Variants in PPARGC1B observed in about 807,000 individuals in gnomAD.
The protein encoded by PPARGC1B is PPARG coactivator 1 beta.
In PPARGC1B, 34 loss-of-function variants were observed where a neutral mutation model predicts 101.6. The ratio of observed to expected loss-of-function variants is 0.33; its 90% CI spans 0.25 to 0.45. The LOEUF (loss-of-function observed/expected upper bound fraction) is 0.45, where lower values mean the gene tolerates loss of function less well. Ranked by LOEUF, PPARGC1B falls within the 20% of genes least tolerant of loss-of-function variation. The probability of loss-of-function intolerance (pLI) is 1.00; values close to 1 mark genes in which losing one functional copy is unlikely to be tolerated. For synonymous variants in PPARGC1B, 548 were observed against 539.3 expected (o/e 1.02, Z -0.22); for missense variants, 1,234 against 1,317.6 (o/e 0.94, Z 0.98).
intron 1 of PPARGC1B, among the ~76,000 whole-genome samples, chr5:149,784,127 CTTCT>C (rs1756697139): frequency 6.6e-6 from 1 of 151,992 alleles, no homozygotes; most frequent in Non-Finnish European, 1.5e-5. Context: ...CCCTATTTCC[CTTCT>C]TTCTTCTACT....
chr5:149,839,310 C>T (rs747444721), intron 8 of PPARGC1B, among the ~76,000 whole-genome samples: 58 of 152,262 alleles, frequency 3.8e-4, no homozygotes, highest in Non-Finnish European at 5.6e-4. Flanking sequence ...AACAGGGAGG[C>T]GGTGGGGCCA....
chr5:149,824,432 G>C (rs937729568), intron 2 of PPARGC1B, among the ~76,000 whole-genome samples: 2 of 152,136 alleles, frequency 1.3e-5, no homozygotes, highest in African/African-American at 4.8e-5. Flanking sequence ...TTGAGCTTAG[G>C]GACCTAAGCA....
At chr5:149,818,696 C>T (rs1758151951) in intron 1 of PPARGC1B, 2 of 370,016 alleles carry the variant, frequency 5.4e-6, no homozygotes, top group Admixed American at 3.1e-5. Context: ...TCTTTTTGTT[C>T]TCTGAGAAGT....
intron 3 of PPARGC1B, among the ~76,000 whole-genome samples, chr5:149,827,708 A>G (rs1374445556): frequency 2.6e-5 from 4 of 152,242 alleles, no homozygotes; most frequent in African/African-American, 9.6e-5. Flanking sequence ...CAGAAGTTAA[A>G]TGCGGTGTGA....
At chr5:149,836,143 C>A in intron 7 of PPARGC1B, 120 bp from the exon 8 acceptor site, 1 of 828,748 alleles carries the variant, frequency 1.2e-6, no homozygotes, top group Non-Finnish European at 1.9e-6. Flanking sequence ...CCCACCTCAC[C>A]CTCCCAAAAT....
intron 1 of PPARGC1B, 136 bp from the exon 2 acceptor site, chr5:149,820,297 T>A (rs557941780): frequency 1.8e-4 from 138 of 785,650 alleles, no homozygotes; most frequent in Non-Finnish European, 2.7e-4. Context: ...GAAGCTGATC[T>A]TTCCATTTCT....
intron 1 of PPARGC1B, among the ~76,000 whole-genome samples, chr5:149,735,981 G>A (rs1174156027): frequency 2.0e-5 from 3 of 152,108 alleles, no homozygotes; most frequent in Non-Finnish European, 2.9e-5. Context: ...AAAATTAGCC[G>A]GGCGTGGTGG....
At chr5:149,798,375 T>C (rs1372618094) in intron 1 of PPARGC1B, among the ~76,000 whole-genome samples, 1 of 152,256 alleles carries the variant, frequency 6.6e-6, no homozygotes, top group Admixed American at 6.5e-5. Context: ...AATACAAGAA[T>C]GTTCCCCTTT....
intron 1 of PPARGC1B, among the ~76,000 whole-genome samples, chr5:149,747,942 G>A (rs906310316): frequency 6.6e-6 from 1 of 152,174 alleles, no homozygotes; most frequent in African/African-American, 2.4e-5. Context: ...AGGTTCCAGG[G>A]AGAGCAGGGT....
chr5:149,750,453 A>AAAATAT (rs1223165218), intron 1 of PPARGC1B, among the ~76,000 whole-genome samples: 46 of 123,232 alleles, frequency 3.7e-4, no homozygotes, highest in Non-Finnish European at 6.9e-4. Flanking sequence ...TTTTAGTTAA[A>AAAATAT]ATATATATAT....
intron 1 of PPARGC1B, among the ~76,000 whole-genome samples, chr5:149,803,269 G>C (rs55650980): frequency 0.11 from 16,973 of 152,232 alleles, 1,279 homozygotes; most frequent in Admixed American, 0.23. Flanking sequence ...GGACTCAGAG[G>C]TCTTGAGATT....
intron 1 of PPARGC1B, among the ~76,000 whole-genome samples, chr5:149,775,409 C>T (rs1756319786): frequency 6.6e-6 from 1 of 152,124 alleles, no homozygotes; most frequent in South Asian, 2.1e-4. Flanking sequence ...TGCCTGCCGC[C>T]CAGGTTGCTT....
rs955938328 is a variant in PPARGC1B, at chr5:149,851,221, T to A, written c.*3663T>A. 6 of 152,208 alleles carry A rather than the reference T, an allele frequency of 3.9e-5. No individual in the cohort carries two copies. The highest frequency in any genetic ancestry group is 1.4e-4 in the African/African-American group (6 of 41,412). The allele number at this position is 152,208 out of a possible 1,614,324, so 9.4% of individuals were successfully genotyped here. A position where few individuals can be genotyped will look rare whatever the true frequency, so the allele number is the denominator to read the frequency against. On this transcript the variant is annotated 3_prime_UTR_variant, in exon 12 of 12. Transcript: ENST00000309241. ...TTGCCTAAAGCCTGTTCCTGTTGGT[T>A]TTCTTAGAGTGATTTCTCCTAGACA...
intron 1 of PPARGC1B, among the ~76,000 whole-genome samples, chr5:149,737,281 A>G (rs996966062): frequency 6.6e-6 from 1 of 152,148 alleles, no homozygotes; most frequent in Non-Finnish European, 1.5e-5. Context: ...CCTAAACTTA[A>G]ACCTGATTTC....
At chr5:149,776,240 C>T (rs1029491788) in intron 1 of PPARGC1B, among the ~76,000 whole-genome samples, 3 of 152,246 alleles carry the variant, frequency 2.0e-5, no homozygotes, top group Non-Finnish European at 1.5e-5. Flanking sequence ...ACCATAGCCT[C>T]ACTTCTGTTG....
chr5:149,807,183 A>G (rs1757634671), intron 1 of PPARGC1B, among the ~76,000 whole-genome samples: 1 of 151,806 alleles, frequency 6.6e-6, no homozygotes, highest in South Asian at 2.1e-4. Context: ...TCAGACTAAA[A>G]TTTACCATTT....
chr5:149,759,203 T>C (rs924334145), intron 1 of PPARGC1B, among the ~76,000 whole-genome samples: 9 of 152,228 alleles, frequency 5.9e-5, no homozygotes, highest in African/African-American at 2.2e-4. Context: ...AGAAGGTTTT[T>C]TCCATGGCCT....
intron 8 of PPARGC1B, among the ~76,000 whole-genome samples, chr5:149,839,608 T>C (rs1257316863): frequency 6.6e-6 from 1 of 152,240 alleles, no homozygotes; most frequent in Non-Finnish European, 1.5e-5. Flanking sequence ...CTCTGCTTTC[T>C]GGCTTTAAGC....
chr5:149,798,087 G>A (rs542887022), intron 1 of PPARGC1B, among the ~76,000 whole-genome samples: 1 of 152,274 alleles, frequency 6.6e-6, no homozygotes, highest in African/African-American at 2.4e-5. Context: ...ACAGATAAAA[G>A]AGCTAAGGCC....
Sources: allele counts gnomAD v4.1 joint callset (sites outside exome capture counted in the v4.1 genomes callset), GRCh38; gene constraint gnomAD v4.1.1; transcripts MANE v1.5; gene names NCBI Gene and HGNC (gene_info 2026-07-23, HGNC 2026-07-21).